SPNS3: variants seen among roughly 807,000 people sequenced by gnomAD.
SPNS3 encodes SPNS lysolipid transporter 3, sphingosine-1-phosphate (putative).
SPNS3 carries 51 observed loss-of-function variants against 54.4 expected under a neutral mutation model. That is an observed-to-expected ratio of 0.94 (90% CI 0.75 to 1.18). The LOEUF (loss-of-function observed/expected upper bound fraction) is 1.18, where lower values mean the gene tolerates loss of function less well. Ranked by LOEUF, SPNS3 falls within the 50% of genes most tolerant of loss-of-function variation. The pLI is 0.00. For missense variants in SPNS3, 669 were observed against 677.4 expected (o/e 0.99, Z 0.14); for synonymous variants, 309 against 294.7 (o/e 1.05, Z -0.50).
intron 8 of SPNS3, among the ~76,000 whole-genome samples, chr17:4,455,259 G>A (rs1971276293): frequency 6.6e-6 from 1 of 152,206 alleles, no homozygotes; most frequent in South Asian, 2.1e-4. Flanking sequence ...TTGGGAAGAG[G>A]CAGGGCTGTC....
intron 8 of SPNS3, among the ~76,000 whole-genome samples, chr17:4,478,076 A>G (rs545935374): frequency 2.5e-4 from 35 of 139,674 alleles, no homozygotes; most frequent in Middle Eastern, 4.6e-3. Flanking sequence ...GGTTCAAGCT[A>G]TTCTCCTGCC....
chr17:4,449,399 CG>C lies in SPNS3; in HGVS notation c.923+17del. On this transcript the variant is annotated intron_variant, in intron 7 of 11. Transcript: ENST00000355530. ...AGCAACCCCGACAGGTGAGGGCATCCGGGGGCCCTGGGCACCTGGCCCGGCT... is the reference window on the plus strand; with the variant it reads ...AGCAACCCCGACAGGTGAGGGCATCCGGGGCCCTGGGCACCTGGCCCGGCT... 2.5e-6 allele frequency: 4 copies of C among 1,570,658 alleles called. No homozygotes were observed. The highest frequency in any genetic ancestry group is 2.0e-5 in the Admixed American group (1 of 50,724).
At chr17:4,456,817 T>G (rs1971328979) in intron 8 of SPNS3, among the ~76,000 whole-genome samples, 1 of 151,942 alleles carries the variant, frequency 6.6e-6, no homozygotes, top group Non-Finnish European at 1.5e-5. Context: ...CAGGTTCAAG[T>G]GATTCTCCTG....
chr17:4,457,787 C>T (rs1971354121), intron 8 of SPNS3, among the ~76,000 whole-genome samples: 1 of 152,190 alleles, frequency 6.6e-6, no homozygotes, highest in Non-Finnish European at 1.5e-5. Flanking sequence ...ATCTCTAGAG[C>T]TGGTTGTCTC....
chr17:4,439,627 C>A, intron 1 of SPNS3, 31 bp from the exon 2 acceptor site: 1 of 1,605,068 alleles, frequency 6.2e-7, no homozygotes, highest in African/African-American at 1.3e-5. Flanking sequence ...GGCTACTTCC[C>A]GTTTCCTGAG....
At chr17:4,487,734 G>A in intron 11 of SPNS3, 72 bp from the exon 12 acceptor site, 1 of 1,375,544 alleles carries the variant, frequency 7.3e-7, no homozygotes, top group Non-Finnish European at 1.0e-6. Context: ...GACAGCCCGT[G>A]CCCAGGCCCA....
intron 8 of SPNS3, among the ~76,000 whole-genome samples, chr17:4,454,826 T>C (rs1483946052): frequency 6.6e-6 from 1 of 151,780 alleles, no homozygotes; most frequent in Non-Finnish European, 1.5e-5. Context: ...GGTTTCACTA[T>C]GTTGGCCAGG....
At chr17:4,466,256 C>T (rs1297509862) in intron 8 of SPNS3, among the ~76,000 whole-genome samples, 1 of 152,120 alleles carries the variant, frequency 6.6e-6, no homozygotes, top group Non-Finnish European at 1.5e-5. Context: ...AAATCAACAC[C>T]ATAGGCCAGG....
At chr17:4,438,349 T>C (rs1418659606) in intron 1 of SPNS3, among the ~76,000 whole-genome samples, 2 of 152,214 alleles carry the variant, frequency 1.3e-5, no homozygotes, top group African/African-American at 4.8e-5. Context: ...ATGGGGGCAA[T>C]GACAGTCCCC....
In SPNS3 at chr17:4,487,816, C is replaced by T. The variant is rs1320416511; in HGVS notation, c.1461C>T (p.Asp487=). The T allele has an allele frequency of 1.2e-6, 2 of 1,614,102 alleles. No homozygotes were observed. The highest frequency in any genetic ancestry group is 1.7e-5 in the Admixed American group (1 of 60,034). ...TCTTTCCTCCTGCAGGGACCCCAGA[C>T]AGCAATGATGTGGACAGCAACGACC... ...RAWQPVTGTP[D]SNDVDSNDLE... is the part of the protein sequence containing the mutation. The change falls in exon 12 of 12, where the codon GAC becomes GAT. Residue 487 remains aspartate, a synonymous_variant. Coordinates refer to ENST00000355530, the MANE Select transcript of SPNS3 (RefSeq NM_182538.5).
At chr17:4,436,126 G>A (rs548046174) in intron 1 of SPNS3, among the ~76,000 whole-genome samples, 1 of 152,212 alleles carries the variant, frequency 6.6e-6, no homozygotes, top group African/African-American at 2.4e-5. Context: ...AGAGATAGAG[G>A]CTGGTTGATG....
chr17:4,474,756 G>A (rs961937217), intron 8 of SPNS3, among the ~76,000 whole-genome samples: 9 of 152,186 alleles, frequency 5.9e-5, no homozygotes, highest in African/African-American at 2.2e-4. Context: ...TGATGAGACC[G>A]CAGGTATGCG....
At chr17:4,435,676 C>T (rs982327165) in intron 1 of SPNS3, among the ~76,000 whole-genome samples, 3 of 152,010 alleles carry the variant, frequency 2.0e-5, no homozygotes, top group African/African-American at 4.8e-5. Context: ...GCTCGCAAAC[C>T]TCACACGTCC....
chr17:4,447,023 C>G, intron 5 of SPNS3, 61 bp downstream of exon 5: 2 of 1,586,988 alleles, frequency 1.3e-6, no homozygotes, highest in Non-Finnish European at 1.7e-6. Context: ...GACTTTCCAG[C>G]CTTGGGTGAC....
At chr17:4,445,876 C>T (rs1416177536) in intron 3 of SPNS3, among the ~76,000 whole-genome samples, 172 bp from the exon 4 acceptor site, 10 of 152,040 alleles carry the variant, frequency 6.6e-5, no homozygotes, top group Non-Finnish European at 1.5e-4. Flanking sequence ...GCAGGGGACA[C>T]ACGTTTGACT....
chr17:4,443,192 TC>T (rs1202091081), intron 2 of SPNS3, among the ~76,000 whole-genome samples: 1 of 152,006 alleles, frequency 6.6e-6, no homozygotes, highest in East Asian at 1.9e-4. Flanking sequence ...TCCCTCAGCC[TC>T]CCCAGTAGCT....
intron 8 of SPNS3, among the ~76,000 whole-genome samples, chr17:4,463,465 T>C (rs1390562172): frequency 6.8e-6 from 1 of 146,114 alleles, no homozygotes; most frequent in Non-Finnish European, 1.5e-5. Context: ...TGATGACTCA[T>C]GCCTGTAATC....
chr17:4,447,018 T>G (rs1971014553), intron 5 of SPNS3, 56 bp downstream of exon 5: 1 of 1,600,518 alleles, frequency 6.2e-7, no homozygotes, highest in African/African-American at 1.3e-5. Flanking sequence ...GCAGGGACTT[T>G]CCAGCCTTGG....
intron 2 of SPNS3, among the ~76,000 whole-genome samples, chr17:4,441,744 C>T (rs147020488): frequency 6.6e-6 from 1 of 151,032 alleles, no homozygotes; most frequent in East Asian, 1.9e-4. Flanking sequence ...TTACAGGCAC[C>T]TGCCATCATG....
Sources: gnomAD v4.1 joint callset for allele counts (sites outside exome capture counted in the v4.1 genomes callset) on GRCh38, gnomAD v4.1.1 for gene constraint, MANE v1.5 for transcripts, NCBI Gene and HGNC (gene_info 2026-07-23, HGNC 2026-07-21) for gene names.